The following HDAC9 variants were observed in gnomAD, a reference collection of about 807,000 sequenced individuals.
HDAC9 encodes the protein histone deacetylase 9.
In HDAC9, 41 loss-of-function variants were observed where a neutral mutation model predicts 139.4. The ratio of observed to expected loss-of-function variants is 0.29; its 90% CI spans 0.23 to 0.38. HDAC9 has a LOEUF of 0.38. Ranked by LOEUF, HDAC9 falls within the 10% of genes least tolerant of loss-of-function variation. The pLI is 1.00. For synonymous variants in HDAC9, 517 were observed against 476.2 expected, an observed-to-expected ratio of 1.09 and a Z score of -1.12; for missense variants, 1,147 against 1,297.0, an observed-to-expected ratio of 0.88 and a Z score of 1.78.
intron 21 of HDAC9, among the ~76,000 whole-genome samples, chr7:18,863,807 A>G (rs1249225283): frequency 2.6e-5 from 4 of 152,152 alleles, no homozygotes; most frequent in Non-Finnish European, 5.9e-5. Flanking sequence ...TCTTACTGAA[A>G]AGATAATAGA....
At chr7:18,496,393 G>GAA (rs1246283808) in intron 2 of HDAC9, 69 bp downstream of exon 2, 24 of 1,338,612 alleles carry the variant, frequency 1.8e-5, no homozygotes, top group African/African-American at 2.9e-5. Flanking sequence ...ATGCAGCTAA[G>GAA]AAAAGCACCT....
intron 1 of HDAC9, among the ~76,000 whole-genome samples, chr7:18,367,162 C>G (rs1784247242): frequency 6.6e-6 from 1 of 151,880 alleles, no homozygotes; most frequent in South Asian, 2.1e-4. Context: ...AGAAGAAATA[C>G]AATCATATTT....
At chr7:18,715,292 A>G (rs1355536531) in intron 12 of HDAC9, among the ~76,000 whole-genome samples, 2 of 151,960 alleles carry the variant, frequency 1.3e-5, no homozygotes, top group Non-Finnish European at 2.9e-5. Flanking sequence ...AAATAAATAC[A>G]TGTTAAACAA....
At chr7:18,238,574 A>G (rs1423840172) in intron 2 of HDAC9, among the ~76,000 whole-genome samples, 3 of 152,218 alleles carry the variant, frequency 2.0e-5, no homozygotes, top group Non-Finnish European at 4.4e-5. Context: ...ATGGATAAAT[A>G]TATCTGACAT....
chr7:18,251,956 T>C (rs1010867164), intron 2 of HDAC9, among the ~76,000 whole-genome samples: 3 of 152,184 alleles, frequency 2.0e-5, no homozygotes, highest in Non-Finnish European at 2.9e-5. Context: ...GCACTTTCCA[T>C]GAATGATGGC....
chr7:18,297,211 T>C (rs549468243), intron 1 of HDAC9, among the ~76,000 whole-genome samples: 28 of 152,230 alleles, frequency 1.8e-4, no homozygotes, highest in African/African-American at 6.8e-4. Flanking sequence ...TTATAAGCTT[T>C]TGCTGTGGCT....
At chr7:18,335,909 T>C (rs1179545478) in intron 1 of HDAC9, among the ~76,000 whole-genome samples, 1 of 151,628 alleles carries the variant, frequency 6.6e-6, no homozygotes. Context: ...CTAGTATATT[T>C]CAAGAAGTAC....
At chr7:18,733,880 G>A (rs923109734) in intron 13 of HDAC9, among the ~76,000 whole-genome samples, 7 of 151,918 alleles carry the variant, frequency 4.6e-5, no homozygotes, top group East Asian at 1.9e-4. Flanking sequence ...CCTGATATGC[G>A]TTTCTTTGTG....
intron 2 of HDAC9, among the ~76,000 whole-genome samples, chr7:18,284,744 AG>A (rs1316702370): frequency 6.6e-6 from 1 of 152,122 alleles, no homozygotes; most frequent in East Asian, 1.9e-4. Context: ...CAGTTTGTCC[AG>A]TGCTTGGTTT....
intron 22 of HDAC9, among the ~76,000 whole-genome samples, chr7:18,930,664 T>C (rs1350026709): frequency 1.3e-5 from 2 of 152,206 alleles, no homozygotes; most frequent in East Asian, 3.8e-4. Context: ...AGAAAGGGCA[T>C]GGGCCTTGTA....
intron 6 of HDAC9, among the ~76,000 whole-genome samples, chr7:18,623,003 G>A (rs1343983167): frequency 5.3e-5 from 8 of 151,926 alleles, no homozygotes; most frequent in East Asian, 1.9e-4. Flanking sequence ...AATTAGCTGG[G>A]TTTGGTGGCA....
intron 22 of HDAC9, among the ~76,000 whole-genome samples, chr7:18,905,041 G>A (rs1802097373): frequency 6.6e-6 from 1 of 152,060 alleles, no homozygotes; most frequent in Non-Finnish European, 1.5e-5. Context: ...TGGGCCTACG[G>A]TCATGAGCCA....
At chr7:18,588,148 A>G (rs1829967597) in intron 3 of HDAC9, among the ~76,000 whole-genome samples, 1 of 152,212 alleles carries the variant, frequency 6.6e-6, no homozygotes, top group African/African-American at 2.4e-5. Flanking sequence ...ATTATGGTTG[A>G]TATACAGAGT....
Position 18,666,229 on chromosome 7 carries a change from T to A in HDAC9, c.1484T>A (p.Ile495Asn). 6.2e-7 allele frequency: 1 copy of A among 1,611,984 alleles called. No individual in the cohort carries two copies. Among genetic ancestry groups the A allele is most frequent in the East Asian group, 2.2e-5 (1 of 44,772 alleles). ...CTCTTCTAGCTGCTTTCGAAATCTA[T>A]TGAACAACTGAAGCAACCAGGCAGT... is the stretch of plus-strand genomic sequence containing the variant. Reference protein sequence around the residue: ...IHMNKLLSKSIEQLKQPGSHL... With the variant: ...IHMNKLLSKSNEQLKQPGSHL... Residue 495 changes from isoleucine to asparagine, a missense_variant, in exon 12 of 26, where the codon ATT becomes AAT. Ile to Asn is a moderately radical substitution (Grantham distance 149). Coordinates refer to ENST00000686413, the MANE Select transcript of HDAC9 (RefSeq NM_178425.4).
At chr7:18,991,357 C>T (rs901863985) in intron 25 of HDAC9, among the ~76,000 whole-genome samples, 2 of 152,320 alleles carry the variant, frequency 1.3e-5, no homozygotes, top group African/African-American at 4.8e-5. Flanking sequence ...AAGAAGTCAT[C>T]AGGCTGGGCA....
At chr7:18,855,442 C>A (rs965445034) in intron 21 of HDAC9, among the ~76,000 whole-genome samples, 4 of 151,940 alleles carry the variant, frequency 2.6e-5, no homozygotes, top group African/African-American at 9.7e-5. Flanking sequence ...GTAGCTCTAT[C>A]CACCTCATTT....
At chr7:18,493,139 A>AT (rs933526311), upstream of HDAC9, among the ~76,000 whole-genome samples, 9 of 151,938 alleles carry the variant, frequency 5.9e-5, no homozygotes, top group African/African-American at 1.4e-4. Context: ...GTTTTATTCT[A>AT]TTTTTTATTT....
chr7:18,618,737 T>C lies in HDAC9; in HGVS notation c.665-10613T>C, dbSNP rs939130349. On this transcript the variant is annotated intron_variant, in intron 6 of 25. Transcript: ENST00000686413. ...TAGTACAGAATTTTGTATATATATA[T>C]ATATATATATATATATATATATATG... Among the ~76,000 whole-genome samples the C allele has an allele frequency of 5.8e-3, 543 of 93,668 alleles. 3 individuals carry two copies. Among genetic ancestry groups the C allele is most frequent in the African/African-American group, 0.027 (516 of 18,880 alleles). The allele number at this position is 93,668 out of a possible 152,430, so 61.4% of individuals were successfully genotyped here. A position where few individuals can be genotyped will look rare whatever the true frequency, so the allele number is the denominator to read the frequency against.
chr7:18,726,848 C>A (rs965626673), intron 12 of HDAC9, among the ~76,000 whole-genome samples: 1 of 151,914 alleles, frequency 6.6e-6, no homozygotes, highest in African/African-American at 2.4e-5. Context: ...AATATCTTTT[C>A]TTGGAGACAG....
Sources: allele counts gnomAD v4.1 joint callset (sites outside exome capture counted in the v4.1 genomes callset), GRCh38; gene constraint gnomAD v4.1.1; transcripts MANE v1.5; gene names NCBI Gene and HGNC (gene_info 2026-07-23, HGNC 2026-07-21).